Variants in DMD observed in about 807,000 individuals in gnomAD.
The protein encoded by DMD is mutant dystrophin.
In DMD, 63 loss-of-function variants were observed where a neutral mutation model predicts 330.1. That is an observed-to-expected ratio of 0.19 (90% CI 0.16 to 0.24). The LOEUF is 0.24. Among genes scored for constraint, DMD ranks in the 10% least tolerant of loss-of-function variants. DMD has a pLI of 1.00. For synonymous variants in DMD, 1,223 were observed against 959.8 expected (o/e 1.27, Z -5.07); for missense variants, 3,344 against 2,684.1 (o/e 1.25, Z -5.43).
At chrX:31,957,029 G>A (rs1474318518) in intron 45 of DMD, among the ~76,000 whole-genome samples, 1 of 111,897 alleles carries the variant, frequency 8.9e-6, no homozygotes, top group Non-Finnish European at 1.9e-5. Context: ...GCATGGCAAC[G>A]TTTACATCTA....
chrX:32,451,620 G>A (rs994311575), intron 26 of DMD, among the ~76,000 whole-genome samples: 3 of 61,350 alleles, frequency 4.9e-5, no homozygotes, highest in Non-Finnish European at 8.3e-5. Flanking sequence ...TAAAACACAG[G>A]AAAGAACATA....
chrX:32,044,483 A>G (rs770716237), intron 44 of DMD, among the ~76,000 whole-genome samples: 127 of 109,802 alleles, frequency 1.2e-3, no homozygotes, highest in African/African-American at 5.6e-4. Flanking sequence ...GTGCAGTGGC[A>G]CGATCTCGGC....
intron 52 of DMD, among the ~76,000 whole-genome samples, chrX:31,708,167 C>T (rs1447534739): frequency 9.0e-6 from 1 of 111,706 alleles, no homozygotes. Flanking sequence ...CTTTGAAACA[C>T]CAGAGCTCTA....
chrX:31,766,903 T>TGTGTGTGTGTGTGTG (rs1270592266), intron 51 of DMD, among the ~76,000 whole-genome samples: 3 of 62,541 alleles, frequency 4.8e-5, no homozygotes, highest in Non-Finnish European at 6.7e-5. Context: ...GTGTGTGTGT[T>TGTGTGTGTGTGTGTG]TGCAACTCTA....
intron 77 of DMD, among the ~76,000 whole-genome samples, chrX:31,133,380 G>T (rs1484853): frequency 9.0e-6 from 1 of 111,003 alleles, no homozygotes; most frequent in African/African-American, 3.3e-5. Flanking sequence ...CCCCAGAAAC[G>T]AACAGTAGCA....
At chrX:32,725,764 G>C (rs1473734967) in intron 7 of DMD, among the ~76,000 whole-genome samples, 2 of 110,764 alleles carry the variant, frequency 1.8e-5, no homozygotes, top group African/African-American at 6.5e-5. Flanking sequence ...ATAAAACATA[G>C]TATTTGCGAG....
At chrX:32,655,618 G>C (rs1204248767) in intron 9 of DMD, among the ~76,000 whole-genome samples, 3 of 111,914 alleles carry the variant, frequency 2.7e-5, no homozygotes. Flanking sequence ...ATAATCTGTT[G>C]ATTAGGGGTG....
At chrX:31,970,978 A>C (rs768143984) in intron 44 of DMD, among the ~76,000 whole-genome samples, 1 of 111,567 alleles carries the variant, frequency 9.0e-6, no homozygotes. Context: ...CATACTTTTA[A>C]AAAATGCATG....
At chrX:31,170,361 T>C (rs73462324) in intron 73 of DMD, among the ~76,000 whole-genome samples, 10,783 of 110,532 alleles carry the variant, frequency 0.098, 1,222 homozygotes, top group African/African-American at 0.32. Flanking sequence ...AGGCTTCTAT[T>C]TGGGGAGGCA....
At chrX:33,015,344 G>T (rs1325432396) in intron 2 of DMD, among the ~76,000 whole-genome samples, 1 of 111,578 alleles carries the variant, frequency 9.0e-6, no homozygotes, top group Non-Finnish European at 1.9e-5. Context: ...AAGAAAGAAT[G>T]AGATCATGTC....
At chrX:31,841,618 T>C (rs889982173) in intron 48 of DMD, among the ~76,000 whole-genome samples, 6 of 112,164 alleles carry the variant, frequency 5.3e-5, no homozygotes, top group African/African-American at 9.7e-5. Context: ...TGACTTTCAA[T>C]TGAAGACAAT....
At chrX:32,637,502 C>T (rs776220208) in intron 11 of DMD, among the ~76,000 whole-genome samples, 11 of 111,765 alleles carry the variant, frequency 9.8e-5, no homozygotes, top group Non-Finnish European at 1.5e-4. Flanking sequence ...TCCACGTGTT[C>T]GGGTATCTTT....
At chrX:31,636,986 A>T (rs1320958031) in intron 54 of DMD, among the ~76,000 whole-genome samples, 1 of 112,232 alleles carries the variant, frequency 8.9e-6, no homozygotes, top group Non-Finnish European at 1.9e-5. Context: ...GGTTAATGAT[A>T]CAGAGAGTAT....
chrX:31,452,231 TA>T (rs773592595), intron 59 of DMD, among the ~76,000 whole-genome samples: 1 of 80,843 alleles, frequency 1.2e-5, no homozygotes, highest in South Asian at 4.6e-4. Flanking sequence ...TTTGTGACAT[TA>T]AAAAAATAGC....
intron 50 of DMD, among the ~76,000 whole-genome samples, chrX:31,778,320 T>C (rs917756302): frequency 1.8e-5 from 2 of 111,677 alleles, no homozygotes; most frequent in South Asian, 7.4e-4. Flanking sequence ...GGATAGCTGA[T>C]AGTAGTTGAG....
intron 11 of DMD, among the ~76,000 whole-genome samples, chrX:32,620,819 T>G (rs2057933609): frequency 8.9e-6 from 1 of 112,134 alleles, no homozygotes. Context: ...TCCATTATAA[T>G]TAGATTTATA....
At chrX:33,032,160 A>G (rs1483062593) in intron 1 of DMD, among the ~76,000 whole-genome samples, 1 of 111,816 alleles carries the variant, frequency 8.9e-6, no homozygotes, top group African/African-American at 3.2e-5. Flanking sequence ...GAACACAGTC[A>G]GATATGAGAG....
At chrX:31,611,970 C>T (rs113796276) in intron 55 of DMD, among the ~76,000 whole-genome samples, 1,274 of 110,980 alleles carry the variant, frequency 0.011, 23 homozygotes, top group African/African-American at 0.039. Context: ...ATCAGGATAA[C>T]GGGGTACCAT....
intron 63 of DMD, among the ~76,000 whole-genome samples, chrX:31,241,564 C>T (rs1056073006): frequency 3.6e-5 from 4 of 111,599 alleles, no homozygotes; most frequent in Admixed American, 1.9e-4. Flanking sequence ...TCAATGGTAT[C>T]ACCATTCTCT....
Sources: allele counts gnomAD v4.1 joint callset (sites outside exome capture counted in the v4.1 genomes callset), GRCh38; gene constraint gnomAD v4.1.1; transcripts MANE v1.5; gene names NCBI Gene and HGNC (gene_info 2026-07-23, HGNC 2026-07-21).